Variants in CDH9 observed in about 807,000 individuals in gnomAD.
CDH9 encodes the protein cadherin-9.
A neutral mutation model predicts 70.9 loss-of-function variants in CDH9; 28 were observed. The ratio of observed to expected loss-of-function variants is 0.40; its 90% confidence interval spans 0.29 to 0.54. The LOEUF (loss-of-function observed/expected upper bound fraction) is 0.54, where lower values mean the gene tolerates loss of function less well. CDH9 is among the 20% of genes least tolerant of loss of function. CDH9 has a pLI of 0.59. For missense variants in CDH9, 874 were observed against 984.4 expected, an observed-to-expected ratio of 0.89 and a Z score of 1.50; for synonymous variants, 409 against 343.1, an observed-to-expected ratio of 1.19 and a Z score of -2.12.
chr5:26,941,913 C>T (rs1181405520), intron 2 of CDH9, among the ~76,000 whole-genome samples: 2 of 152,176 alleles, frequency 1.3e-5, no homozygotes, highest in African/African-American at 4.8e-5. Context: ...CATGGGAACT[C>T]TCTGCAGAGT....
intron 1 of CDH9, among the ~76,000 whole-genome samples, chr5:26,999,355 T>C (rs1032837075): frequency 6.6e-6 from 1 of 152,164 alleles, no homozygotes; most frequent in African/African-American, 2.4e-5. Context: ...CATATAAGGA[T>C]AGCAGTGAGT....
chr5:26,962,411 TG>T (rs1742052701), intron 2 of CDH9, among the ~76,000 whole-genome samples: 1 of 152,190 alleles, frequency 6.6e-6, no homozygotes, highest in Admixed American at 6.6e-5. Flanking sequence ...TCTTCCACAA[TG>T]GTTGAATTAA....
intron 11 of CDH9, among the ~76,000 whole-genome samples, chr5:26,882,995 C>G (rs1740492158): frequency 7.6e-6 from 1 of 132,318 alleles, no homozygotes; most frequent in Non-Finnish European, 1.6e-5. Flanking sequence ...CTGTAGTTAG[C>G]CTTCACAGAA....
intron 1 of CDH9, among the ~76,000 whole-genome samples, chr5:27,006,564 G>A (rs942677337): frequency 1.4e-4 from 21 of 152,172 alleles, no homozygotes; most frequent in African/African-American, 4.6e-4. Flanking sequence ...GCTCCCAACC[G>A]GTGTTTCTTC....
At chr5:26,983,651 T>C (rs1037948028) in intron 2 of CDH9, among the ~76,000 whole-genome samples, 2 of 152,170 alleles carry the variant, frequency 1.3e-5, no homozygotes, top group Non-Finnish European at 2.9e-5. Context: ...TGGAATACAA[T>C]GTATTTACAA....
intron 2 of CDH9, among the ~76,000 whole-genome samples, chr5:26,978,782 A>G (rs1454528516): frequency 1.3e-5 from 2 of 151,906 alleles, no homozygotes; most frequent in South Asian, 4.1e-4. Flanking sequence ...GGCAGCAACA[A>G]TAAGAATAAC....
chr5:27,000,583 G>C (rs1361872320), intron 1 of CDH9, among the ~76,000 whole-genome samples: 2 of 152,058 alleles, frequency 1.3e-5, no homozygotes, highest in African/African-American at 4.8e-5. Context: ...AAGCTTTCTA[G>C]TAAACCACAT....
chr5:26,952,700 T>A (rs1421680409), intron 2 of CDH9, among the ~76,000 whole-genome samples: 1 of 142,390 alleles, frequency 7.0e-6, no homozygotes, highest in Non-Finnish European at 1.5e-5. Context: ...TTGGTCCTCA[T>A]GAAAAGATGA....
At chr5:26,883,064 T>G (rs1187940546) in intron 11 of CDH9, among the ~76,000 whole-genome samples, 2,823 of 121,036 alleles carry the variant, frequency 0.023, 188 homozygotes, top group African/African-American at 0.027. Flanking sequence ...TATATATATA[T>G]ATATATATAT....
chr5:26,953,600 C>T (rs1201126439), intron 2 of CDH9, among the ~76,000 whole-genome samples: 1 of 152,168 alleles, frequency 6.6e-6, no homozygotes, highest in Non-Finnish European at 1.5e-5. Context: ...CCAACAATGT[C>T]AAATGAGCCA....
At chr5:27,033,879 T>C (rs1399530834) in intron 1 of CDH9, among the ~76,000 whole-genome samples, 4 of 151,576 alleles carry the variant, frequency 2.6e-5, no homozygotes, top group African/African-American at 9.7e-5. Flanking sequence ...TTTTATATAA[T>C]GTCTTTTGAC....
At chr5:26,949,293 G>A (rs1741805591) in intron 2 of CDH9, among the ~76,000 whole-genome samples, 1 of 152,162 alleles carries the variant, frequency 6.6e-6, no homozygotes, top group Non-Finnish European at 1.5e-5. Context: ...ACTGATAGGT[G>A]TTAGTAAGGT....
At chr5:26,999,098 A>G (rs915265790) in intron 1 of CDH9, among the ~76,000 whole-genome samples, 1 of 152,018 alleles carries the variant, frequency 6.6e-6, no homozygotes, top group Non-Finnish European at 1.5e-5. Context: ...TACAAAACTT[A>G]GCTGGGTGTG....
intron 1 of CDH9, among the ~76,000 whole-genome samples, chr5:27,010,539 T>A (rs997394288): frequency 1.3e-5 from 2 of 152,138 alleles, no homozygotes; most frequent in African/African-American, 4.8e-5. Flanking sequence ...ACAGCCATAG[T>A]GACAAGCACA....
At position 27,000,505 on chromosome 5, in the gene CDH9, G is replaced by A. The variant is rs1191716756; in HGVS notation, c.-49-12123C>T. ...AAAACAAAGATACTAAACTGATGGG[G>A]TTGTTTTAAAGGGACATAAGATGAC... On this transcript the variant is annotated intron_variant, in intron 1 of 11. Coordinates refer to ENST00000231021, the MANE Select transcript of CDH9 (RefSeq NM_016279.4). Among the ~76,000 whole-genome samples, 8 of 152,208 alleles carry A rather than the reference G, an allele frequency of 5.3e-5. No individual in the cohort carries two copies. In the East Asian group the frequency reaches 1.4e-3, roughly 26 times the overall value.
At chr5:26,969,620 C>T (rs916086778) in intron 2 of CDH9, among the ~76,000 whole-genome samples, 3 of 152,086 alleles carry the variant, frequency 2.0e-5, no homozygotes, top group African/African-American at 7.2e-5. Context: ...TGCCACTGGA[C>T]TCTAAGATTC....
chr5:26,916,222 G>A (rs752338012), intron 2 of CDH9, among the ~76,000 whole-genome samples: 1 of 151,908 alleles, frequency 6.6e-6, no homozygotes, highest in Non-Finnish European at 1.5e-5. Context: ...TAAACCTCCA[G>A]TGCATTACAA....
intron 7 of CDH9, among the ~76,000 whole-genome samples, chr5:26,896,909 G>T (rs144628500): frequency 6.6e-6 from 1 of 151,732 alleles, no homozygotes; most frequent in East Asian, 1.9e-4. Flanking sequence ...TTAAGAAATA[G>T]GTGGACCACT....
In CDH9 at chr5:26,903,627, G is replaced by C; in HGVS notation, c.999+10C>G. ...CACTCAATGAAAAGATGAAGACAGTGAAAAGAAACCTGTTTGACAGTTATA... is the reference window on the plus strand; with the variant it reads ...CACTCAATGAAAAGATGAAGACAGTCAAAAGAAACCTGTTTGACAGTTATA... On this transcript the variant is annotated intron_variant, in intron 6 of 11. Coordinates refer to ENST00000231021, the MANE Select transcript of CDH9 (RefSeq NM_016279.4). The C allele has an allele frequency of 6.4e-7, 1 of 1,571,108 alleles. No homozygotes were observed. The highest frequency in any genetic ancestry group is 8.8e-7 in the Non-Finnish European group (1 of 1,140,870).
Sources: gnomAD v4.1 joint callset for allele counts (sites outside exome capture counted in the v4.1 genomes callset) on GRCh38, gnomAD v4.1.1 for gene constraint, MANE v1.5 for transcripts, NCBI Gene and HGNC (gene_info 2026-07-23, HGNC 2026-07-21) for gene names.